Variants in MPDZ observed in about 807,000 individuals in gnomAD.
MPDZ encodes the protein multiple PDZ domain crumbs cell polarity complex component.
A neutral mutation model predicts 239.1 loss-of-function variants in MPDZ; 234 were observed. That is an observed-to-expected ratio of 0.98 (90% CI 0.88 to 1.09). The LOEUF (loss-of-function observed/expected upper bound fraction) is 1.09. Ranked by LOEUF, MPDZ falls within the 50% of genes least tolerant of loss-of-function variation. The pLI is 0.00. For missense variants in MPDZ, 3,175 were observed against 2,510.0 expected, an observed-to-expected ratio of 1.26 and a Z score of -5.66; for synonymous variants, 1,048 against 881.3, an observed-to-expected ratio of 1.19 and a Z score of -3.35.
At chr9:13,172,405 G>C (rs1000002558) in intron 21 of MPDZ, among the ~76,000 whole-genome samples, 4 of 140,636 alleles carry the variant, frequency 2.8e-5, no homozygotes, top group Admixed American at 1.5e-4. Context: ...TTTTTGAGAC[G>C]AAGTTTTGCT....
At chr9:13,168,028 A>C (rs1951298964) in intron 22 of MPDZ, among the ~76,000 whole-genome samples, 1 of 152,076 alleles carries the variant, frequency 6.6e-6, no homozygotes, top group Non-Finnish European at 1.5e-5. Context: ...CCTTATATCA[A>C]AGCCAATCCA....
Position 13,219,601 on chromosome 9 carries a change from G to A in MPDZ, c.1044C>T (p.Gly348=). ...AAGTTGGGGATGAGGAGAGGGTGATGCCCAAAGCAGTGGGTGCTGTACGTT... is the reference window on the plus strand; with the variant it reads ...AAGTTGGGGATGAGGAGAGGGTGATACCCAAAGCAGTGGGTGCTGTACGTT... ...IEERTAPTAL[G]ITLSSSPTST... Residue 348 remains glycine, a synonymous_variant, in exon 8 of 47, where the codon GGC becomes GGT. Coordinates refer to ENST00000319217, the MANE Select transcript of MPDZ (RefSeq NM_001378778.1). 1.2e-6 allele frequency: 2 copies of A among 1,612,308 alleles called. No homozygotes were observed. The highest frequency in any genetic ancestry group is 1.7e-6 in the Non-Finnish European group (2 of 1,179,036).
intron 19 of MPDZ, among the ~76,000 whole-genome samples, chr9:13,179,824 T>A (rs775635902): frequency 1.3e-5 from 2 of 152,184 alleles, no homozygotes; most frequent in Non-Finnish European, 1.5e-5. Context: ...GGGCATATTA[T>A]TTACCCAGAT....
intron 32 of MPDZ, among the ~76,000 whole-genome samples, chr9:13,132,546 T>C (rs907245595): frequency 1.3e-5 from 2 of 152,150 alleles, no homozygotes; most frequent in Non-Finnish European, 2.9e-5. Context: ...ACAGAAAACA[T>C]CAGAGAAAAT....
chr9:13,115,203 T>A, intron 40 of MPDZ, 45 bp downstream of exon 40: 1 of 1,537,896 alleles, frequency 6.5e-7, no homozygotes, highest in Non-Finnish European at 9.0e-7. Flanking sequence ...TGTGTCCTCT[T>A]GGCATGCCGA....
intron 17 of MPDZ, 115 bp downstream of exon 17, chr9:13,188,669 G>T (rs1356224099): frequency 1.3e-6 from 1 of 775,288 alleles, no homozygotes; most frequent in Non-Finnish European, 2.0e-6. Flanking sequence ...TAATCACGTT[G>T]ATGAAAACTA....
intron 21 of MPDZ, among the ~76,000 whole-genome samples, chr9:13,171,061 C>A (rs899539843): frequency 1.3e-5 from 2 of 152,148 alleles, no homozygotes; most frequent in African/African-American, 4.8e-5. Flanking sequence ...AAGCTTGCAA[C>A]TGACTTAACC....
At chr9:13,112,536 A>C (rs968124839) in intron 42 of MPDZ, among the ~76,000 whole-genome samples, 13 of 152,222 alleles carry the variant, frequency 8.5e-5, no homozygotes, top group Admixed American at 1.3e-4. Context: ...CTTCATTTAC[A>C]AAATGGAGAC....
rs182343528 is a variant in MPDZ, at chr9:13,249,387, G to T, written c.16+913C>A. Among the ~76,000 whole-genome samples the T allele has an allele frequency of 6.0e-4, 91 of 152,080 alleles. 1 individual carries two copies. Among genetic ancestry groups the T allele is most frequent in the African/African-American group, 1.8e-3 (76 of 41,462 alleles). ...TTCCTATTAAGAACTTTCCTATGTG[G>T]ACTAGTAGTCTTTACAGCATGTGGG... On this transcript the variant is annotated intron_variant, in intron 2 of 46. Coordinates refer to ENST00000319217, the MANE Select transcript of MPDZ (RefSeq NM_001378778.1).
chr9:13,136,018 G>A (rs1946682799), intron 31 of MPDZ, 74 bp downstream of exon 31: 2 of 995,926 alleles, frequency 2.0e-6, no homozygotes, highest in Non-Finnish European at 1.5e-6. Context: ...TAAGTGTTAT[G>A]TAATTGTTGA....
chr9:13,159,737 T>C (rs1432107254), intron 23 of MPDZ, among the ~76,000 whole-genome samples: 3 of 152,106 alleles, frequency 2.0e-5, no homozygotes, highest in Non-Finnish European at 2.9e-5. Flanking sequence ...AAGATAAATA[T>C]CCTGAATAAT....
At chr9:13,237,500 A>C (rs895141638) in intron 3 of MPDZ, among the ~76,000 whole-genome samples, 7 of 151,746 alleles carry the variant, frequency 4.6e-5, no homozygotes, top group African/African-American at 1.7e-4. Flanking sequence ...ATGCTGCATA[A>C]TAAATTCAAT....
chr9:13,171,895 C>T (rs1252646939), intron 21 of MPDZ, among the ~76,000 whole-genome samples: 1 of 152,114 alleles, frequency 6.6e-6, no homozygotes, highest in African/African-American at 2.4e-5. Context: ...AAAATGAGCT[C>T]ATTGATAGAC....
At chr9:13,229,135 A>G (rs1961593105) in intron 3 of MPDZ, among the ~76,000 whole-genome samples, 1 of 152,158 alleles carries the variant, frequency 6.6e-6, no homozygotes. Flanking sequence ...CTCTGTGTGA[A>G]TAACTGTATC....
rs115407297 is a variant in MPDZ at position 13,245,780 on chromosome 9, T to A, written c.183+1855A>T. On this transcript the variant is annotated intron_variant, in intron 3 of 46. Coordinates refer to ENST00000319217, the MANE Select transcript of MPDZ (RefSeq NM_001378778.1). ...TCTGAATCACGTGGGACCCAAATAG[T>A]CTCAGAGCCCATATTCTACTTCCAT... Among the ~76,000 whole-genome samples, 1,401 of 152,218 alleles carry A rather than the reference T, an allele frequency of 9.2e-3. 27 individuals carry two copies. The highest frequency in any genetic ancestry group is 0.032 in the African/African-American group (1,337 of 41,540).
At chr9:13,253,121 G>A (rs907878768) in intron 1 of MPDZ, among the ~76,000 whole-genome samples, 2 of 151,892 alleles carry the variant, frequency 1.3e-5, no homozygotes, top group Non-Finnish European at 2.9e-5. Flanking sequence ...GTACAGCGTA[G>A]GCAGTTCCTA....
chr9:13,125,252 G>C lies in MPDZ; in HGVS notation c.4771C>G (p.Pro1591Ala). Residue 1591 changes from proline (P) to alanine (A), a missense_variant, in exon 35 of 47, where the codon CCA (proline) becomes GCA (alanine). By Grantham distance (27) the Pro-to-Ala change is conservative (BLOSUM62 -1). Coordinates refer to ENST00000319217, the MANE Select transcript of MPDZ (RefSeq NM_001378778.1). ...KKNSSQSLMVPQSGSPEPESI... is the reference protein window; with the variant it reads ...KKNSSQSLMVAQSGSPEPESI... The stretch of plus-strand genomic sequence containing the variant: ...TCCGGTTCTGGGGAGCCAGACTGTG[G>C]GACCATCAGAGACTGGGAGCTGTTC... 6.2e-7 allele frequency: 1 copy of C among 1,610,880 alleles called. No homozygotes were observed. Among genetic ancestry groups the C allele is most frequent in the Non-Finnish European group, 8.5e-7 (1 of 1,177,842 alleles).
intron 19 of MPDZ, among the ~76,000 whole-genome samples, chr9:13,178,222 G>A (rs1024309223): frequency 1.4e-5 from 2 of 145,446 alleles, no homozygotes; most frequent in Admixed American, 7.1e-5. Context: ...TTGTGCCACT[G>A]CACTCCAGCC....
intron 12 of MPDZ, 29 bp from the exon 13 acceptor site, chr9:13,196,259 A>G (rs117277371): frequency 6.9e-7 from 1 of 1,447,466 alleles, no homozygotes; most frequent in Non-Finnish European, 9.5e-7. Flanking sequence ...TTAAGTTAGC[A>G]GCAAACTACA....
Sources: gnomAD v4.1 joint callset for allele counts (sites outside exome capture counted in the v4.1 genomes callset) on GRCh38, gnomAD v4.1.1 for gene constraint, MANE v1.5 for transcripts, NCBI Gene and HGNC (gene_info 2026-07-23, HGNC 2026-07-21) for gene names.